SLC23A2: variants seen among roughly 807,000 people sequenced by gnomAD.
SLC23A2 encodes solute carrier family 23 member 2, also known as Na(+)/L-ascorbic acid transporter 2.
SLC23A2 carries 36 observed loss-of-function variants against 73.3 expected under a neutral mutation model. The ratio of observed to expected loss-of-function variants is 0.49; its 90% CI spans 0.38 to 0.65. SLC23A2 has a LOEUF of 0.65. Ranked by LOEUF, SLC23A2 falls within the 30% of genes least tolerant of loss-of-function variation. The pLI is 0.00. For synonymous variants in SLC23A2, 343 were observed against 327.3 expected (o/e 1.05, Z -0.52); for missense variants, 507 against 841.6 (o/e 0.60, Z 4.92).
intron 4 of SLC23A2, among the ~76,000 whole-genome samples, chr20:4,904,030 C>T (rs1277930803): frequency 6.6e-6 from 1 of 152,116 alleles, no homozygotes; most frequent in Non-Finnish European, 1.5e-5. Flanking sequence ...TGCAGTGGCT[C>T]ACACCTGTGG....
chr20:4,886,111 A>C, intron 6 of SLC23A2: 3 of 495,848 alleles, frequency 6.1e-6, no homozygotes, highest in African/African-American at 2.0e-5. Context: ...CCCCATTGCC[A>C]CTCTCCTCCC....
chr20:4,968,067 A>G (rs990220914), intron 2 of SLC23A2, among the ~76,000 whole-genome samples: 1 of 152,166 alleles, frequency 6.6e-6, no homozygotes, highest in African/African-American at 2.4e-5. Flanking sequence ...TGGAGCAAGG[A>G]GATGGAGATA....
At chr20:5,003,362 C>T (rs560427440), upstream of SLC23A2, among the ~76,000 whole-genome samples, 2 of 151,996 alleles carry the variant, frequency 1.3e-5, no homozygotes, top group Non-Finnish European at 2.9e-5. Flanking sequence ...CCAGCCTGGG[C>T]GACAGAGCAA....
At chr20:4,864,286 C>T (rs1930104458) in intron 13 of SLC23A2, among the ~76,000 whole-genome samples, 1 of 152,174 alleles carries the variant, frequency 6.6e-6, no homozygotes, top group African/African-American at 2.4e-5. Flanking sequence ...CTCAAGTGCC[C>T]ACCAGGCACA....
At position 4,900,755 on chromosome 20, in the gene SLC23A2, G is replaced by A. The variant is rs950919793; in HGVS notation, c.325-1043C>T. On this transcript the variant is annotated intron_variant, in intron 5 of 16. Coordinates refer to ENST00000338244, the MANE Select transcript of SLC23A2 (RefSeq NM_005116.6). The stretch of plus-strand genomic sequence containing the variant: ...CCTTTGGGAGTCCCCCCAACCCCCC[G>A]CCACACCTGTAGCCCTGGTAGGATA... 7.3e-5 allele frequency among the ~76,000 whole-genome samples: 11 copies of A among 151,246 alleles called. No individual in the cohort carries two copies. In the East Asian group the frequency reaches 7.8e-4, roughly 11 times the overall value.
Position 4,900,870 on chromosome 20 carries a change from C to T in SLC23A2, c.325-1158G>A, listed in dbSNP as rs960471267. On this transcript the variant is annotated intron_variant, in intron 5 of 16. Coordinates refer to ENST00000338244, the MANE Select transcript of SLC23A2 (RefSeq NM_005116.6). The stretch of plus-strand genomic sequence containing the variant: ...AAACTTCCTACTTTTCTTCCAGCAG[C>T]TTCCCATTCCTGCCCACGTTAGCCA... 2.1e-4 allele frequency among the ~76,000 whole-genome samples: 32 copies of T among 152,320 alleles called. No individual in the cohort carries two copies. In the Middle Eastern group the frequency reaches 0.014, roughly 65 times the overall value.
chr20:4,857,550 T>G lies in SLC23A2; in HGVS notation c.1721-346A>C, dbSNP rs1929775581. 6.6e-6 allele frequency among the ~76,000 whole-genome samples: 1 copy of G among 152,164 alleles called. No homozygotes were observed. Among genetic ancestry groups the G allele is most frequent in the South Asian group, 2.1e-4 (1 of 4,832 alleles). ...TGTTAGGGCCCAGCTCAGGCCATGT[T>G]ATTGCTTTCCTGGTTCATTCTATCG... On this transcript the variant is annotated intron_variant, in intron 16 of 16. Coordinates refer to ENST00000338244, the MANE Select transcript of SLC23A2 (RefSeq NM_005116.6). The surrounding 1 kb of genome is among the most constrained non-coding windows in gnomAD (Gnocchi z 4.0).
rs149904880 is a variant in SLC23A2 at position 4,882,264 on chromosome 20, A to C, written c.824+1378T>G. ...GTGGTGGGTGCTTGTAATCCCAGCT[A>C]CTCGGGAGGCTGAGGCAGGAGAATT... On this transcript the variant is annotated intron_variant, in intron 9 of 16. Transcript: ENST00000338244. Among the ~76,000 whole-genome samples the C allele has an allele frequency of 6.2e-3, 948 of 152,026 alleles. 9 individuals carry two copies. Among genetic ancestry groups the C allele is most frequent in the African/African-American group, 0.02 (811 of 41,466 alleles).
At chr20:4,913,183 G>A (rs1932217487) in intron 3 of SLC23A2, among the ~76,000 whole-genome samples, 1 of 152,200 alleles carries the variant, frequency 6.6e-6, no homozygotes, top group Non-Finnish European at 1.5e-5. Context: ...ACCTCAGCAG[G>A]GGCACCCCCA....
rs74907201 is a variant in SLC23A2 at position 4,977,239 on chromosome 20, T to C, written c.-281-6320A>G. 3.7e-3 allele frequency among the ~76,000 whole-genome samples: 562 copies of C among 152,310 alleles called. 4 individuals carry two copies. Among genetic ancestry groups the C allele is most frequent in the African/African-American group, 0.013 (520 of 41,582 alleles). On this transcript the variant is annotated intron_variant, in intron 1 of 16. Transcript: ENST00000338244. The stretch of plus-strand genomic sequence containing the variant: ...CAGAACATCTCTCTCTTTATGAACA[T>C]GACTTCTTCAGCAAGATAGGCATTC...
intron 2 of SLC23A2, among the ~76,000 whole-genome samples, chr20:4,951,171 CA>C (rs1675474858): frequency 6.6e-6 from 1 of 152,014 alleles, no homozygotes; most frequent in South Asian, 2.1e-4. Context: ...AAAACAAAAA[CA>C]AAAACCCACA....
chr20:4,989,236 C>CAAA (rs138535169), intron 1 of SLC23A2, among the ~76,000 whole-genome samples: 2 of 72,938 alleles, frequency 2.7e-5, no homozygotes, highest in East Asian at 5.1e-4. Flanking sequence ...GACCCCGTCT[C>CAAA]AAAAAAAAAA....
intron 2 of SLC23A2, among the ~76,000 whole-genome samples, chr20:4,936,457 ACTTTT>A (rs1210819998): frequency 6.6e-6 from 1 of 151,966 alleles, no homozygotes; most frequent in African/African-American, 2.4e-5. Context: ...AAATGATGGG[ACTTTT>A]TTTCTTAAAG....
In SLC23A2 at chr20:4,932,691, G is replaced by A. The variant is rs1932802698; in HGVS notation, c.-129C>T. 4 of 641,356 alleles carry A rather than the reference G, an allele frequency of 6.2e-6. No individual in the cohort carries two copies. The highest frequency in any genetic ancestry group is 5.4e-5 in the East Asian group (2 of 37,192). 39.7% of individuals were successfully genotyped at this position (641,356 alleles called of 1,614,324 possible). A position where few individuals can be genotyped will look rare whatever the true frequency, so the allele number is the denominator to read the frequency against. Reference sequence around the variant, plus strand: ...GCCCCCGATTCTCAAGCAGAGATGAGGCCTGCAAACGGCATCTCTTAGCAC... The same window carrying A: ...GCCCCCGATTCTCAAGCAGAGATGAAGCCTGCAAACGGCATCTCTTAGCAC... On this transcript the variant is annotated 5_prime_UTR_variant, in exon 3 of 17. Coordinates refer to ENST00000338244, the MANE Select transcript of SLC23A2 (RefSeq NM_005116.6).
rs150661773 is a variant in SLC23A2, at chr20:4,947,807, G to A, written c.-154-15091C>T. On this transcript the variant is annotated intron_variant, in intron 2 of 16. Transcript: ENST00000338244. The surrounding 1 kb of genome is among the most constrained non-coding windows in gnomAD (Gnocchi z 4.4). The stretch of plus-strand genomic sequence containing the variant: ...AAAAGACCAGAATAGGCCTGAGAAG[G>A]TCATATCTAAAAGTCATTCTGAAGG... 3.6e-4 allele frequency among the ~76,000 whole-genome samples: 55 copies of A among 152,340 alleles called. No homozygotes were observed. The highest frequency in any genetic ancestry group is 1.2e-3 in the African/African-American group (49 of 41,582).
chr20:4,999,252 A>G (rs535453613), intron 1 of SLC23A2, among the ~76,000 whole-genome samples: 1 of 152,076 alleles, frequency 6.6e-6, no homozygotes, highest in Non-Finnish European at 1.5e-5. Context: ...GATTTCAAAC[A>G]CCCCACAAAC....
At chr20:4,859,047 C>CA (rs1005604838) in intron 16 of SLC23A2, among the ~76,000 whole-genome samples, 1 of 152,184 alleles carries the variant, frequency 6.6e-6, no homozygotes, top group African/African-American at 2.4e-5. Context: ...GCAGCGAACT[C>CA]AGCTGCTGTC....
intron 2 of SLC23A2, among the ~76,000 whole-genome samples, chr20:4,958,830 T>A (rs1395506934): frequency 6.6e-6 from 1 of 152,132 alleles, no homozygotes; most frequent in South Asian, 2.1e-4. Context: ...AAAAAGATCA[T>A]CCAAGAGCAA....
chr20:4,950,972 TG>T (rs2087192830), intron 2 of SLC23A2, among the ~76,000 whole-genome samples: 1 of 152,078 alleles, frequency 6.6e-6, no homozygotes, highest in African/African-American at 2.4e-5. Context: ...GGGAGAAGGT[TG>T]GGAGCCAGGT....
Sources: gnomAD v4.1 joint callset for allele counts (sites outside exome capture counted in the v4.1 genomes callset) on GRCh38, gnomAD v4.1.1 for gene constraint, Gnocchi (gnomAD v3.1) non-coding constraint, MANE v1.5 for transcripts, NCBI Gene and HGNC (gene_info 2026-07-23, HGNC 2026-07-21) for gene names.